Variants in EFHC2 observed in about 807,000 individuals in gnomAD.
EFHC2 encodes EF-hand domain-containing family member C2.
Under a neutral mutation model 52.7 loss-of-function variants are expected in EFHC2, and 18 were observed. The observed-to-expected ratio is 0.34, with a 90% CI of 0.24 to 0.51. EFHC2 has a LOEUF of 0.51. EFHC2 is among the 20% of genes least tolerant of loss of function. EFHC2 has a pLI of 0.97. For missense variants in EFHC2, 513 were observed against 562.5 expected (o/e 0.91, Z 0.89); for synonymous variants, 203 against 204.1 (o/e 0.99, Z 0.04).
At chrX:44,339,785 C>T (rs190498358) in intron 1 of EFHC2, among the ~76,000 whole-genome samples, 105 of 111,207 alleles carry the variant, frequency 9.4e-4, no homozygotes, top group South Asian at 2.3e-3. Flanking sequence ...GACTAAAAGG[C>T]CAGATATGGC....
intron 13 of EFHC2, among the ~76,000 whole-genome samples, chrX:44,166,761 T>C (rs1050915353): frequency 7.2e-5 from 8 of 111,429 alleles, no homozygotes; most frequent in Admixed American, 6.7e-4. Context: ...ACCAAATAAA[T>C]CTAGGATCAC....
intron 11 of EFHC2, among the ~76,000 whole-genome samples, chrX:44,192,358 G>T (rs777335851): frequency 6.2e-4 from 69 of 111,694 alleles, no homozygotes; most frequent in Admixed American, 1.1e-3. Context: ...ATTGCCTGAG[G>T]TCATATCTTT....
intron 2 of EFHC2, among the ~76,000 whole-genome samples, chrX:44,290,631 A>G (rs1357307820): frequency 1.8e-5 from 2 of 110,923 alleles, no homozygotes; most frequent in African/African-American, 6.6e-5. Flanking sequence ...GTTCTTAGAT[A>G]CCTCCTCTCT....
At chrX:44,164,570 T>C (rs988281939) in intron 13 of EFHC2, among the ~76,000 whole-genome samples, 2 of 112,123 alleles carry the variant, frequency 1.8e-5, no homozygotes, top group Non-Finnish European at 3.8e-5. Flanking sequence ...TATAAATATG[T>C]TCTTGATACA....
At chrX:44,336,322 G>T (rs1485420597) in intron 1 of EFHC2, among the ~76,000 whole-genome samples, 24 of 108,741 alleles carry the variant, frequency 2.2e-4, no homozygotes, top group African/African-American at 8.1e-4. Flanking sequence ...GGAGGCAGAG[G>T]GTTGCAGTGA....
At chrX:44,264,997 T>C (rs961550060) in intron 3 of EFHC2, among the ~76,000 whole-genome samples, 1 of 108,127 alleles carries the variant, frequency 9.2e-6, no homozygotes, top group Non-Finnish European at 1.9e-5. Context: ...ATAAAGACTA[T>C]TGGGACACAT....
chrX:44,264,696 C>T (rs1366653985), intron 3 of EFHC2, among the ~76,000 whole-genome samples: 1 of 112,272 alleles, frequency 8.9e-6, no homozygotes, highest in Non-Finnish European at 1.9e-5. Flanking sequence ...CACATGAGAG[C>T]TTTCAATAAC....
At chrX:44,278,085 C>A (rs986779729) in intron 2 of EFHC2, among the ~76,000 whole-genome samples, 10 of 112,021 alleles carry the variant, frequency 8.9e-5, no homozygotes, top group African/African-American at 2.9e-4. Flanking sequence ...ATTTGAAAGA[C>A]CAGATCTGGC....
intron 2 of EFHC2, among the ~76,000 whole-genome samples, chrX:44,297,176 A>T (rs1233317513): frequency 3.6e-5 from 4 of 112,020 alleles, no homozygotes; most frequent in Non-Finnish European, 7.5e-5. Flanking sequence ...GAGAGGTTAA[A>T]AACATGGCCA....
rs141863101 is a variant in EFHC2 at position 44,149,721 on chromosome X, C to T, written c.2149-825G>A. Among the ~76,000 whole-genome samples the T allele has an allele frequency of 7.1e-3, 788 of 111,337 alleles. 4 individuals are homozygous for T. Among genetic ancestry groups the T allele is most frequent in the Non-Finnish European group, 0.012 (644 of 53,070 alleles). ...AGGAGACGGGTTTCGCCATATAGGC[C>T]GGACTGGTCTGGTCTCAAACTCCCG... On this transcript the variant is annotated intron_variant, in intron 14 of 14. Transcript: ENST00000420999.
At chrX:44,301,558 T>C (rs1203468369) in intron 2 of EFHC2, among the ~76,000 whole-genome samples, 1 of 112,204 alleles carries the variant, frequency 8.9e-6, no homozygotes, top group African/African-American at 3.2e-5. Flanking sequence ...CTGTAATTTA[T>C]ATACCATAAA....
chrX:44,295,716 CGA>C (rs758920977), intron 2 of EFHC2, among the ~76,000 whole-genome samples: 5 of 110,421 alleles, frequency 4.5e-5, no homozygotes, highest in Non-Finnish European at 7.6e-5. Flanking sequence ...CAGAGGGAGA[CGA>C]GAGGACTTAG....
Position 44,201,257 on chromosome X carries a change from C to G in EFHC2, c.1752-22693G>C, listed in dbSNP as rs187188145. Among the ~76,000 whole-genome samples, 8 of 111,253 alleles carry G rather than the reference C, an allele frequency of 7.2e-5. No homozygotes were observed. The Admixed American group carries it at 7.6e-4, about 11-fold the overall frequency. ...AATACACCACAGCTAAAGTAATACT[C>G]AGAAGGCAAATTAAAGCCTTAAGTG... On this transcript the variant is annotated intron_variant, in intron 11 of 14. Transcript: ENST00000420999.
intron 14 of EFHC2, among the ~76,000 whole-genome samples, chrX:44,155,191 G>T (rs1306759668): frequency 8.9e-6 from 1 of 112,185 alleles, no homozygotes; most frequent in Non-Finnish European, 1.9e-5. Context: ...GGGAATCATT[G>T]TCTCCAAGAA....
intron 1 of EFHC2, among the ~76,000 whole-genome samples, chrX:44,334,625 G>A (rs932357178): frequency 5.4e-5 from 6 of 111,631 alleles, no homozygotes; most frequent in African/African-American, 1.3e-4. Context: ...ACAGGCATGC[G>A]CCACCACGCC....
intron 2 of EFHC2, among the ~76,000 whole-genome samples, chrX:44,296,324 C>A (rs12559662): frequency 4.5e-5 from 5 of 111,116 alleles, no homozygotes; most frequent in African/African-American, 6.6e-5. Flanking sequence ...TAGACCAGAA[C>A]TGAAAATAGT....
chrX:44,241,544 TTA>T (rs894711428), intron 8 of EFHC2, among the ~76,000 whole-genome samples: 5 of 112,431 alleles, frequency 4.4e-5, no homozygotes, highest in Non-Finnish European at 9.4e-5. Flanking sequence ...CCACCTGTTT[TTA>T]TATGACTTTT....
intron 1 of EFHC2, among the ~76,000 whole-genome samples, chrX:44,332,425 G>T (rs2038092784): frequency 9.1e-6 from 1 of 110,351 alleles, no homozygotes; most frequent in Admixed American, 9.7e-5. Context: ...TCAGTATTCA[G>T]CTGGTCAAGC....
At chrX:44,217,743 T>C (rs1303521573) in intron 11 of EFHC2, among the ~76,000 whole-genome samples, 1 of 109,941 alleles carries the variant, frequency 9.1e-6, no homozygotes, top group East Asian at 2.8e-4. Context: ...GGATGGTTAA[T>C]GGGTACAAAA....
Sources: allele counts gnomAD v4.1 joint callset (sites outside exome capture counted in the v4.1 genomes callset), GRCh38; gene constraint gnomAD v4.1.1; transcripts MANE v1.5; gene names NCBI Gene and HGNC (gene_info 2026-07-23, HGNC 2026-07-21).